Variants in MKRN1 observed in about 807,000 individuals in gnomAD.
MKRN1 encodes E3 ubiquitin-protein ligase makorin-1.
In MKRN1, 9 loss-of-function variants were observed where a neutral mutation model predicts 55.5. That is an observed-to-expected ratio of 0.16 (90% CI 0.10 to 0.28). MKRN1 has a LOEUF of 0.28. Ranked by LOEUF, MKRN1 falls within the 10% of genes least tolerant of loss-of-function variation. The pLI, the probability that MKRN1 is intolerant of heterozygous loss-of-function variation, is 1.00. For synonymous variants in MKRN1, 253 were observed against 235.9 expected, an observed-to-expected ratio of 1.07 and a Z score of -0.66; for missense variants, 488 against 626.7, an observed-to-expected ratio of 0.78 and a Z score of 2.36.
chr7:140,472,260 C>A (rs987576525), intron 1 of MKRN1: 2 of 423,188 alleles, frequency 4.7e-6, no homozygotes, highest in African/African-American at 4.1e-5. Flanking sequence ...CATGGTGAAA[C>A]CCCGTCTCTA....
Position 140,467,189 on chromosome 7 carries a change from A to T in MKRN1, c.314+4694T>A, listed in dbSNP as rs74555990. On this transcript the variant is annotated intron_variant, in intron 2 of 7. Transcript: ENST00000255977. The stretch of plus-strand genomic sequence containing the variant: ...ACGGGGTTTTCCACAGGTCAGGCTG[A>T]TATCAAATTCCCGACCTCAGGTGAT... 1.6e-4 allele frequency among the ~76,000 whole-genome samples: 24 copies of T among 152,070 alleles called. No individual in the cohort carries two copies. The East Asian group carries it at 1.9e-3, about 12-fold the overall frequency.
At chr7:140,458,011 ATAAAGT>A (rs1313611118) in intron 4 of MKRN1, among the ~76,000 whole-genome samples, 1 of 152,208 alleles carries the variant, frequency 6.6e-6, no homozygotes, top group Non-Finnish European at 1.5e-5. Context: ...CTTTGCTCCA[ATAAAGT>A]TAAAGTTTCT....
intron 2 of MKRN1, among the ~76,000 whole-genome samples, chr7:140,464,870 C>T (rs529130936): frequency 1.3e-5 from 2 of 152,130 alleles, no homozygotes; most frequent in Non-Finnish European, 2.9e-5. Context: ...ATTCACTGCG[C>T]CCTTAACCTC....
At position 140,456,878 on chromosome 7, in the gene MKRN1, G is replaced by A. The variant is rs1454694743; in HGVS notation, c.772-12C>T. ...GCCTCAATGCACGACTAGAGAAGGT[G>A]GAGAGAGAACAAGTGGAATCCAGTC... On this transcript the variant is annotated splice_polypyrimidine_tract_variant and intron_variant, in intron 4 of 7. Transcript: ENST00000255977. 2.5e-6 allele frequency: 4 copies of A among 1,611,330 alleles called. No individual in the cohort carries two copies. The highest frequency in any genetic ancestry group is 1.3e-5 in the African/African-American group (1 of 74,860).
intron 2 of MKRN1, among the ~76,000 whole-genome samples, chr7:140,471,244 G>T (rs772444945): frequency 9.9e-5 from 15 of 151,966 alleles, no homozygotes; most frequent in Non-Finnish European, 2.1e-4. Context: ...AAATGAGGTG[G>T]TGCATCCCTG....
At chr7:140,456,542 A>C (rs1794471332) in intron 5 of MKRN1, 110 bp downstream of exon 5, 1 of 1,483,266 alleles carries the variant, frequency 6.7e-7, no homozygotes, top group Non-Finnish European at 9.0e-7. Context: ...CCCAGTTTCA[A>C]GATAAAATGC....
intron 4 of MKRN1, among the ~76,000 whole-genome samples, chr7:140,458,267 C>CA (rs1794522317): frequency 6.6e-6 from 1 of 152,186 alleles, no homozygotes; most frequent in South Asian, 2.1e-4. Flanking sequence ...AAGTGTCCAT[C>CA]AACTCATGAA....
intron 1 of MKRN1, among the ~76,000 whole-genome samples, chr7:140,472,623 T>A (rs61689769): frequency 6.6e-6 from 1 of 150,650 alleles, no homozygotes; most frequent in Non-Finnish European, 1.5e-5. Context: ...CTCCTGACCT[T>A]GTGATCTGCC....
chr7:140,464,205 C>A (rs1378984677), intron 2 of MKRN1, among the ~76,000 whole-genome samples: 1 of 151,608 alleles, frequency 6.6e-6, no homozygotes, highest in Non-Finnish European at 1.5e-5. Flanking sequence ...TAGGCGTGAG[C>A]CACCGCGCCC....
intron 2 of MKRN1, among the ~76,000 whole-genome samples, chr7:140,466,186 C>A (rs112642535): frequency 0.037 from 5,585 of 152,248 alleles, 148 homozygotes; most frequent in Non-Finnish European, 0.052. Context: ...TTAGCTAGTC[C>A]ACAATCAACC....
intron 1 of MKRN1, chr7:140,478,754 C>T (rs111862082): frequency 0.2 from 30,251 of 154,868 alleles, 3,619 homozygotes; most frequent in Non-Finnish European, 0.28. Context: ...GGAGACCGGC[C>T]TCAAGTGACC....
intron 2 of MKRN1, among the ~76,000 whole-genome samples, chr7:140,463,680 T>C (rs774234396): frequency 2.6e-5 from 4 of 151,888 alleles, no homozygotes; most frequent in Non-Finnish European, 4.4e-5. Context: ...GGTCAGGAGA[T>C]GGAGACCATC....
intron 7 of MKRN1, 112 bp downstream of exon 7, chr7:140,454,983 A>G: frequency 7.0e-7 from 1 of 1,428,226 alleles, no homozygotes; most frequent in Non-Finnish European, 9.5e-7. Flanking sequence ...AATACTCTAC[A>G]CTTTCGCTCC....
chr7:140,479,452 C>A lies in MKRN1; in HGVS notation c.-108G>T, dbSNP rs1022057746. 15 of 1,134,818 alleles carry A rather than the reference C, an allele frequency of 1.3e-5. No individual in the cohort carries two copies. Among genetic ancestry groups the A allele is most frequent in the Non-Finnish European group, 1.1e-5 (10 of 894,342 alleles). 70.3% of individuals were successfully genotyped at this position (1,134,818 alleles called of 1,614,324 possible). A position where few individuals can be genotyped will look rare whatever the true frequency, so the allele number is the denominator to read the frequency against. On this transcript the variant is annotated 5_prime_UTR_variant, in exon 1 of 8. Coordinates refer to ENST00000255977, the MANE Select transcript of MKRN1 (RefSeq NM_013446.4). Reference sequence around the variant, plus strand: ...GCCAGGCGAGGGGAGGGGAAGGACACTGAGGCACCCGTTCGGTCCCCGCCT... The same window carrying A: ...GCCAGGCGAGGGGAGGGGAAGGACAATGAGGCACCCGTTCGGTCCCCGCCT...
Position 140,455,772 on chromosome 7 carries a change from A to G in MKRN1, c.1097+18T>C. The G allele has an allele frequency of 6.3e-7, 1 of 1,581,208 alleles. No individual in the cohort carries two copies. The highest frequency in any genetic ancestry group is 8.7e-7 in the Non-Finnish European group (1 of 1,151,214). On this transcript the variant is annotated intron_variant, in intron 6 of 7. Transcript: ENST00000255977. ...TCTGTTGGGCTCTTCGCTTGAGAAA[A>G]GGCTGCAGTGCTCATACCTCATTGC...
In MKRN1 at chr7:140,471,993, A is replaced by C. The variant is rs761801209; in HGVS notation, c.204T>G (p.Val68=). ...AGCGACAGTTGTCTCCTTCCTTACA[A>C]ACCCCATGCATAAAATACCTGTGAG... ...QVTCRYFMHG[V]CKEGDNCRYS... The change falls in exon 2 of 8, where the codon GTT becomes GTG. Residue 68 remains valine, a synonymous_variant. Coordinates refer to ENST00000255977, the MANE Select transcript of MKRN1 (RefSeq NM_013446.4). 5.6e-6 allele frequency: 9 copies of C among 1,614,164 alleles called. No homozygotes were observed. Among genetic ancestry groups the C allele is most frequent in the African/African-American group, 1.3e-5 (1 of 75,064 alleles).
At chr7:140,472,068 CTA>C in intron 1 of MKRN1, 57 bp from the exon 2 acceptor site, 1 of 1,604,344 alleles carries the variant, frequency 6.2e-7, no homozygotes, top group Non-Finnish European at 8.5e-7. Flanking sequence ...AATATTAAAA[CTA>C]ATTAGTATTC....
intron 2 of MKRN1, among the ~76,000 whole-genome samples, chr7:140,464,063 G>A (rs1794704364): frequency 6.6e-6 from 1 of 151,928 alleles, no homozygotes; most frequent in African/African-American, 2.4e-5. Flanking sequence ...GATTGCAGAT[G>A]CGGCACCACC....
intron 1 of MKRN1, chr7:140,473,120 GA>G: frequency 3.0e-6 from 1 of 337,370 alleles, no homozygotes; most frequent in Non-Finnish European, 5.6e-6. Context: ...AAAAGAAAAA[GA>G]AAAAAAGATA....
Sources: allele counts gnomAD v4.1 joint callset (sites outside exome capture counted in the v4.1 genomes callset), GRCh38; gene constraint gnomAD v4.1.1; transcripts MANE v1.5; gene names NCBI Gene and HGNC (gene_info 2026-07-23, HGNC 2026-07-21).